Variants in SRD5A2 observed in about 807,000 individuals in gnomAD.
SRD5A2 encodes steroid 5 alpha-reductase 2.
In SRD5A2, 30 loss-of-function variants were observed where a neutral mutation model predicts 27.4. The observed-to-expected ratio is 1.10, with a 90% CI of 0.82 to 1.49. The LOEUF (loss-of-function observed/expected upper bound fraction) is 1.49, where lower values mean the gene tolerates loss of function less well. Among genes scored for constraint, SRD5A2 ranks in the 40% most tolerant of loss-of-function variants. The probability of loss-of-function intolerance (pLI) is 0.00; values close to 1 mark genes in which losing one functional copy is unlikely to be tolerated. For synonymous variants in SRD5A2, 141 were observed against 133.6 expected, an observed-to-expected ratio of 1.06 and a Z score of -0.38; for missense variants, 348 against 323.4, an observed-to-expected ratio of 1.08 and a Z score of -0.58.
chr2:31,631,560 C>T, the SRD5A2 span, among the ~76,000 whole-genome samples: 2 of 151,990 alleles, frequency 1.3e-5, no homozygotes, highest in Non-Finnish European at 2.9e-5. Flanking sequence ...TACCTTTTTT[C>T]CTGTCAGACT....
upstream of SRD5A2, among the ~76,000 whole-genome samples, chr2:31,582,398 C>T (rs971637685): frequency 6.6e-6 from 1 of 152,162 alleles, no homozygotes; most frequent in Non-Finnish European, 1.5e-5. Context: ...GCTTGCTGAC[C>T]AAGAGTCGTT....
the SRD5A2 span, among the ~76,000 whole-genome samples, chr2:31,631,490 C>G: frequency 6.6e-6 from 1 of 152,048 alleles, no homozygotes. Flanking sequence ...AACGTTCCCC[C>G]CCAAGGCAAA....
chr2:31,596,966 T>A, the SRD5A2 span, among the ~76,000 whole-genome samples: 3 of 152,162 alleles, frequency 2.0e-5, no homozygotes, highest in East Asian at 5.8e-4. Context: ...AATACCACCA[T>A]CATTTTTTCA....
At position 31,580,686 on chromosome 2, in the gene SRD5A2, G is replaced by A. The variant is rs1393252721; in HGVS notation, c.215C>T (p.Pro72Leu). 2 of 1,599,576 alleles carry A rather than the reference G, an allele frequency of 1.3e-6. No homozygotes were observed. The highest frequency in any genetic ancestry group is 3.4e-5 in the Admixed American group (2 of 59,560). The change falls in exon 1 of 5, where the codon CCC becomes CTC. Residue 72 changes from proline to leucine, a missense_variant. Pro to Leu is a moderately conservative substitution (Grantham distance 98, BLOSUM62 -3). Transcript: ENST00000622030. ...CCCAGGTGGCCCGAAGAGGGAGAGG[G>A]GCTGCCGGGCGAGGATCCCCGCGGG... The part of the protein sequence containing the change: ...AVPAGILARQ[P>L]LSLFGPPGTV...
chr2:31,565,953 G>A (rs1666720315), intron 1 of SRD5A2, among the ~76,000 whole-genome samples: 1 of 151,882 alleles, frequency 6.6e-6, no homozygotes, highest in Non-Finnish European at 1.5e-5. Flanking sequence ...ACCCAATTCT[G>A]GGCCATAAAA....
chr2:31,594,750 T>C, the SRD5A2 span, among the ~76,000 whole-genome samples: 2 of 152,146 alleles, frequency 1.3e-5, no homozygotes, highest in Admixed American at 6.5e-5. Context: ...CAATGCAGAA[T>C]ATACATTCTT....
At chr2:31,599,648 T>C in the SRD5A2 span, among the ~76,000 whole-genome samples, 1 of 151,914 alleles carries the variant, frequency 6.6e-6, no homozygotes, top group Non-Finnish European at 1.5e-5. Flanking sequence ...CTATGGGATA[T>C]AGCAAAAGCA....
the SRD5A2 span, among the ~76,000 whole-genome samples, chr2:31,641,093 T>A: frequency 6.6e-6 from 1 of 152,196 alleles, no homozygotes; most frequent in East Asian, 1.9e-4. Flanking sequence ...TCCTCATATT[T>A]GAGCTTTAGG....
the SRD5A2 span, among the ~76,000 whole-genome samples, chr2:31,658,214 C>G: frequency 2.6e-5 from 4 of 152,006 alleles, no homozygotes; most frequent in African/African-American, 9.7e-5. Flanking sequence ...ATTTCTGGGA[C>G]ACAGCTAAAG....
chr2:31,604,022 ACATCC>A, the SRD5A2 span, among the ~76,000 whole-genome samples: 1 of 151,904 alleles, frequency 6.6e-6, no homozygotes, highest in East Asian at 1.9e-4. Context: ...AAAAACCTGC[ACATCC>A]TATACATATA....
chr2:31,624,839 C>G, the SRD5A2 span, among the ~76,000 whole-genome samples: 9 of 151,778 alleles, frequency 5.9e-5, no homozygotes, highest in Admixed American at 5.9e-4. Flanking sequence ...TGTGTCTTTA[C>G]AGTAGCATGA....
chr2:31,641,857 A>G, the SRD5A2 span, among the ~76,000 whole-genome samples: 1 of 152,116 alleles, frequency 6.6e-6, no homozygotes, highest in Non-Finnish European at 1.5e-5. Context: ...ATTCATTGCA[A>G]CCTCAGTCAA....
the SRD5A2 span, among the ~76,000 whole-genome samples, chr2:31,604,597 A>G: frequency 6.6e-6 from 1 of 151,886 alleles, no homozygotes; most frequent in Admixed American, 6.6e-5. Context: ...TAACTTAACC[A>G]AAGAAGTGAA....
chr2:31,583,652 C>CAAAAA (rs1352139998), upstream of SRD5A2, among the ~76,000 whole-genome samples: 12 of 20,928 alleles, frequency 5.7e-4, 1 homozygote, highest in African/African-American at 1.3e-3. Flanking sequence ...AAAAAAAAAC[C>CAAAAA]AAAAAAAAAG....
chr2:31,545,683 T>C (rs1441360086), intron 1 of SRD5A2, among the ~76,000 whole-genome samples: 1 of 152,144 alleles, frequency 6.6e-6, no homozygotes, highest in Non-Finnish European at 1.5e-5. Flanking sequence ...GCCATTTCTA[T>C]TCAACATAGT....
the SRD5A2 span, among the ~76,000 whole-genome samples, chr2:31,630,007 A>T: frequency 3.9e-5 from 6 of 152,096 alleles, no homozygotes; most frequent in Non-Finnish European, 5.9e-5. Flanking sequence ...GTCCCTCTCA[A>T]TTTAGGCATA....
At chr2:31,586,805 C>T in the SRD5A2 span, among the ~76,000 whole-genome samples, 1 of 152,120 alleles carries the variant, frequency 6.6e-6, no homozygotes, top group Non-Finnish European at 1.5e-5. Flanking sequence ...GTGAAGCCTA[C>T]AATAAATCCT....
chr2:31,553,572 T>C (rs1470760275), intron 1 of SRD5A2, among the ~76,000 whole-genome samples: 1 of 152,110 alleles, frequency 6.6e-6, no homozygotes, highest in Non-Finnish European at 1.5e-5. Flanking sequence ...AATAATACCA[T>C]CAGATTTCTC....
At chr2:31,606,734 C>T in the SRD5A2 span, among the ~76,000 whole-genome samples, 1 of 151,958 alleles carries the variant, frequency 6.6e-6, no homozygotes, top group Non-Finnish European at 1.5e-5. Flanking sequence ...AAAGCCCCAC[C>T]CCTCTAATCA....
Sources: gnomAD v4.1 joint callset for allele counts (sites outside exome capture counted in the v4.1 genomes callset) on GRCh38, gnomAD v4.1.1 for gene constraint, MANE v1.5 for transcripts, NCBI Gene and HGNC (gene_info 2026-07-23, HGNC 2026-07-21) for gene names.